Variants in PFKFB3 observed in about 807,000 individuals in gnomAD.
PFKFB3 encodes 6-phosphofructo-2-kinase/fructose-2,6-biphosphatase 3.
PFKFB3 carries 33 observed loss-of-function variants against 68.0 expected under a neutral mutation model. The observed-to-expected ratio is 0.49, with a 90% CI of 0.37 to 0.65. PFKFB3 has a LOEUF of 0.65. Ranked by LOEUF, PFKFB3 falls within the 30% of genes least tolerant of loss-of-function variation. PFKFB3 has a pLI of 0.00. For synonymous variants in PFKFB3, 315 were observed against 288.2 expected (o/e 1.09, Z -0.94); for missense variants, 586 against 712.2 (o/e 0.82, Z 2.02).
At chr10:6,311,990 G>A in the PFKFB3 span, among the ~76,000 whole-genome samples, 2 of 152,190 alleles carry the variant, frequency 1.3e-5, no homozygotes, top group African/African-American at 4.8e-5. Flanking sequence ...TACATTTAAA[G>A]AGGGCCTTGT....
chr10:6,189,108 G>A (rs1407570022), intron 1 of PFKFB3, among the ~76,000 whole-genome samples: 5 of 152,128 alleles, frequency 3.3e-5, no homozygotes, highest in Admixed American at 6.5e-5. Flanking sequence ...CAAAGTGCTG[G>A]GATTACAGGC....
rs1843893589 is a variant in PFKFB3, at chr10:6,207,766, C to A, written c.76+4430C>A. On this transcript the variant is annotated intron_variant, in intron 1 of 14. Coordinates refer to ENST00000379775, the MANE Select transcript of PFKFB3 (RefSeq NM_004566.4). ...TCAACATGATGGTAAATGCTTCTTA[C>A]AAAACCTGTAGCTTCCTTCGCATGC... 2.6e-5 allele frequency among the ~76,000 whole-genome samples: 4 copies of A among 152,358 alleles called. No homozygotes were observed. In the South Asian group the frequency reaches 6.2e-4, roughly 24 times the overall value.
chr10:6,217,780 A>G (rs1844686623), intron 6 of PFKFB3, among the ~76,000 whole-genome samples: 1 of 152,194 alleles, frequency 6.6e-6, no homozygotes, highest in Non-Finnish European at 1.5e-5. Flanking sequence ...CTTGATAGCA[A>G]TATATATAAA....
intron 1 of PFKFB3, among the ~76,000 whole-genome samples, chr10:6,147,905 GGAGA>G (rs1841447055): frequency 1.3e-5 from 2 of 151,606 alleles, no homozygotes; most frequent in Non-Finnish European, 2.9e-5. Context: ...CCCTTTTGGA[GGAGA>G]GAGGGTCTTC....
rs866580050 is a variant in PFKFB3, at chr10:6,216,640, G to C, written c.367-66G>C. Reference sequence around the variant, plus strand: ...AGATGATGGGTCTGGCATCTTTGCTGTTCTGGTAAACGTTGTTAAACTCAA... The same window carrying C: ...AGATGATGGGTCTGGCATCTTTGCTCTTCTGGTAAACGTTGTTAAACTCAA... On this transcript the variant is annotated intron_variant, in intron 4 of 14. Transcript: ENST00000379775. 9.0e-5 allele frequency: 101 copies of C among 1,117,262 alleles called. No individual in the cohort carries two copies. The Middle Eastern group carries it at 5.9e-3, about 65-fold the overall frequency. The allele number at this position is 1,117,262 out of a possible 1,614,324, so 69.2% of individuals were successfully genotyped here.
chr10:6,302,184 A>G, the PFKFB3 span, among the ~76,000 whole-genome samples: 2 of 150,716 alleles, frequency 1.3e-5, no homozygotes, highest in African/African-American at 4.9e-5. Context: ...CCTCTTGAAT[A>G]GCTGGGATTA....
downstream of PFKFB3, among the ~76,000 whole-genome samples, chr10:6,236,450 G>A (rs112548232): frequency 4.8e-3 from 725 of 152,306 alleles, 12 homozygotes; most frequent in African/African-American, 0.016. Flanking sequence ...GCCCCCCACT[G>A]CTGCGCTCCA....
At chr10:6,217,829 C>T (rs1284972044) in intron 6 of PFKFB3, among the ~76,000 whole-genome samples, 3 of 152,166 alleles carry the variant, frequency 2.0e-5, no homozygotes, top group African/African-American at 7.2e-5. Context: ...CAAGCTGCCA[C>T]CCTGTGTTGG....
At chr10:6,194,220 A>C (rs1002952614) in intron 1 of PFKFB3, among the ~76,000 whole-genome samples, 11 of 94,954 alleles carry the variant, frequency 1.2e-4, no homozygotes, top group African/African-American at 3.1e-4. Context: ...TTGCCCTCCC[A>C]TTCCTATTGG....
intron 1 of PFKFB3, among the ~76,000 whole-genome samples, chr10:6,188,898 G>A (rs1003459783): frequency 1.4e-5 from 2 of 144,182 alleles, no homozygotes; most frequent in African/African-American, 5.2e-5. Context: ...GCAGTGGCGC[G>A]ATCTCGGCTC....
chr10:6,176,477 C>A (rs889885772), intron 1 of PFKFB3, among the ~76,000 whole-genome samples: 1 of 152,132 alleles, frequency 6.6e-6, no homozygotes, highest in Non-Finnish European at 1.5e-5. Flanking sequence ...GGCCCATCAT[C>A]GCTCACTGCA....
chr10:6,163,603 G>C (rs1842028516), intron 1 of PFKFB3, among the ~76,000 whole-genome samples: 1 of 152,046 alleles, frequency 6.6e-6, no homozygotes, highest in African/African-American at 2.4e-5. Context: ...ATTGCACCCC[G>C]CGCCTGCTTC....
At chr10:6,316,726 G>A in the PFKFB3 span, among the ~76,000 whole-genome samples, 1 of 152,134 alleles carries the variant, frequency 6.6e-6, no homozygotes, top group African/African-American at 2.4e-5. Context: ...GACTCCCAAA[G>A]TGCTAGGATT....
chr10:6,318,745 G>C, the PFKFB3 span, among the ~76,000 whole-genome samples: 9 of 152,142 alleles, frequency 5.9e-5, no homozygotes, highest in Non-Finnish European at 1.2e-4. Context: ...TTGTGTAAAG[G>C]GGAAAAACAT....
chr10:6,247,866 C>G (rs1379089604), intron 14 of PFKFB3, among the ~76,000 whole-genome samples: 1 of 152,226 alleles, frequency 6.6e-6, no homozygotes, highest in Non-Finnish European at 1.5e-5. Flanking sequence ...CCCATGAAAT[C>G]TTCCCCACCA....
Position 6,210,486 on chromosome 10 carries a change from G to A in PFKFB3, c.77-3137G>A, listed in dbSNP as rs370931788. Among the ~76,000 whole-genome samples, 17 of 113,998 alleles carry A rather than the reference G, an allele frequency of 1.5e-4. 3 individuals are homozygous for A. Among genetic ancestry groups the A allele is most frequent in the East Asian group, 1.1e-3 (5 of 4,372 alleles). The allele number at this position is 113,998 out of a possible 152,430, so 74.8% of individuals were successfully genotyped here. A position where few individuals can be genotyped will look rare whatever the true frequency, so the allele number is the denominator to read the frequency against. On this transcript the variant is annotated intron_variant, in intron 1 of 14. Transcript: ENST00000379775. ...CGCCATTCTCCTGCCTCAGCCTCCC[G>A]AGTAGCTGGGACTACAGGCGCCCGC...
chr10:6,325,668 C>T, the PFKFB3 span, among the ~76,000 whole-genome samples: 756 of 152,208 alleles, frequency 5.0e-3, 2 homozygotes, highest in Non-Finnish European at 7.7e-3. Flanking sequence ...GGCAGAGTTA[C>T]AATTAAAATA....
At chr10:6,288,788 C>T in the PFKFB3 span, among the ~76,000 whole-genome samples, 1 of 152,166 alleles carries the variant, frequency 6.6e-6, no homozygotes, top group South Asian at 2.1e-4. Context: ...CACTGTCTTC[C>T]ACAATGGTTG....
intron 1 of PFKFB3, among the ~76,000 whole-genome samples, chr10:6,213,015 C>T (rs61843062): frequency 0.014 from 2,150 of 152,230 alleles, 22 homozygotes; most frequent in Middle Eastern, 0.027. Context: ...TCCTCCCACC[C>T]GCAGGAGCAT....
Sources: gnomAD v4.1 joint callset for allele counts (sites outside exome capture counted in the v4.1 genomes callset) on GRCh38, gnomAD v4.1.1 for gene constraint, MANE v1.5 for transcripts, NCBI Gene and HGNC (gene_info 2026-07-23, HGNC 2026-07-21) for gene names.